NAA50: variants seen among roughly 807,000 people sequenced by gnomAD.
NAA50 encodes the protein N-alpha-acetyltransferase 50.
In NAA50, 7 loss-of-function variants were observed where a neutral mutation model predicts 20.7. The observed-to-expected ratio is 0.34, with a 90% CI of 0.19 to 0.63. The LOEUF is 0.63. NAA50 is among the 30% of genes least tolerant of loss of function. The probability of loss-of-function intolerance (pLI) is 0.75; values close to 1 mark genes in which losing one functional copy is unlikely to be tolerated. For synonymous variants in NAA50, 54 were observed against 70.6 expected (o/e 0.77, Z 1.18); for missense variants, 111 against 199.1 (o/e 0.56, Z 2.66).
chr3:113,726,439 T>C (rs1708200486), intron 1 of NAA50, among the ~76,000 whole-genome samples: 1 of 151,768 alleles, frequency 6.6e-6, no homozygotes, highest in Non-Finnish European at 1.5e-5. Context: ...AACACTTTTC[T>C]GACTAAAATC....
At chr3:113,731,935 GTC>G (rs1183774755) in intron 1 of NAA50, among the ~76,000 whole-genome samples, 1 of 152,168 alleles carries the variant, frequency 6.6e-6, no homozygotes, top group Non-Finnish European at 1.5e-5. Flanking sequence ...TTGCATAAAA[GTC>G]TGCGTGTGGA....
In NAA50 at chr3:113,721,730, CAAGTGCAAGA is replaced by C; in HGVS notation, c.*20_*29del. The C allele has an allele frequency of 1.2e-6, 2 of 1,612,348 alleles. No individual in the cohort carries two copies. The highest frequency in any genetic ancestry group is 1.7e-5 in the Admixed American group (1 of 59,752). ...GGCCTCTCTTTTATTTGGCGACAAG[CAAGTGCAAGA>C]AAGTTCATTTGTAATTTGTTCAGTT... On this transcript the variant is annotated 3_prime_UTR_variant, in exon 5 of 5. Coordinates refer to ENST00000240922, the MANE Select transcript of NAA50 (RefSeq NM_025146.4).
chr3:113,728,366 G>T (rs989383395), intron 1 of NAA50, among the ~76,000 whole-genome samples: 1 of 152,134 alleles, frequency 6.6e-6, no homozygotes, highest in African/African-American at 2.4e-5. Context: ...GAATGCAAAG[G>T]TGTTTACATC....
chr3:113,725,419 A>G (rs1708187758), intron 1 of NAA50, among the ~76,000 whole-genome samples: 1 of 152,224 alleles, frequency 6.6e-6, no homozygotes, highest in Admixed American at 6.5e-5. Flanking sequence ...TTGTAATTTT[A>G]AAAACTGTAT....
At position 113,746,036 on chromosome 3, in the gene NAA50, C is replaced by G; in HGVS notation, c.-87G>C. On this transcript the variant is annotated 5_prime_UTR_variant, in exon 1 of 5. Transcript: ENST00000240922. ...TAGGTCTCCGCACCCTTAGCTCGGGCCACTCAACCCCGCAAGCCGGCCTCC... is the reference window on the plus strand; with the variant it reads ...TAGGTCTCCGCACCCTTAGCTCGGGGCACTCAACCCCGCAAGCCGGCCTCC... 1 of 1,547,898 alleles carries G rather than the reference C, an allele frequency of 6.5e-7. No individual in the cohort carries two copies. The highest frequency in any genetic ancestry group is 8.7e-7 in the Non-Finnish European group (1 of 1,146,210).
rs905276755 is a variant in NAA50, at chr3:113,717,225, T to G, written c.*4535A>C. ...GTGGCATGCGCTTTCTAGTCGCAGCTACTTGGGAGGCTCAGGCAGAATTGC... is the reference window on the plus strand; with the variant it reads ...GTGGCATGCGCTTTCTAGTCGCAGCGACTTGGGAGGCTCAGGCAGAATTGC... On this transcript the variant is annotated 3_prime_UTR_variant, in exon 5 of 5. Coordinates refer to ENST00000240922, the MANE Select transcript of NAA50 (RefSeq NM_025146.4). 1 of 152,258 alleles carries G rather than the reference T, an allele frequency of 6.6e-6. No individual in the cohort carries two copies. Among genetic ancestry groups the G allele is most frequent in the Non-Finnish European group, 1.5e-5 (1 of 68,114 alleles). 9.4% of individuals were successfully genotyped at this position (152,258 alleles called of 1,614,324 possible). A position where few individuals can be genotyped will look rare whatever the true frequency, so the allele number is the denominator to read the frequency against.
chr3:113,731,960 T>C lies in NAA50; in HGVS notation c.9-7865A>G, dbSNP rs558605830. On this transcript the variant is annotated intron_variant, in intron 1 of 4. Transcript: ENST00000240922. The stretch of plus-strand genomic sequence containing the variant: ...GTCTGCGTGTGGACATACGCCTTAG[T>C]TTTTTTTCTGGTAGATAACTGGAAG... Among the ~76,000 whole-genome samples the C allele has an allele frequency of 1.9e-4, 29 of 152,182 alleles. No individual in the cohort carries two copies. In the South Asian group the frequency reaches 3.3e-3, roughly 17 times the overall value.
At chr3:113,728,799 C>T (rs1577069026) in intron 1 of NAA50, among the ~76,000 whole-genome samples, 1 of 152,172 alleles carries the variant, frequency 6.6e-6, no homozygotes, top group East Asian at 1.9e-4. Context: ...TCCAAGCAAT[C>T]TCCAGCAGAC....
intron 1 of NAA50, among the ~76,000 whole-genome samples, chr3:113,744,849 A>G (rs923969689): frequency 6.6e-6 from 1 of 152,232 alleles, no homozygotes; most frequent in Non-Finnish European, 1.5e-5. Context: ...CACAGAGGTA[A>G]TATTTAGGTC....
intron 1 of NAA50, among the ~76,000 whole-genome samples, chr3:113,741,574 G>A (rs1016474193): frequency 6.6e-6 from 1 of 152,196 alleles, no homozygotes; most frequent in African/African-American, 2.4e-5. Flanking sequence ...AAAAAATTAG[G>A]AGTCCCAGTA....
chr3:113,724,114 T>C lies in NAA50; in HGVS notation c.9-19A>G, dbSNP rs759072319. ...CCGGCTACTGGAACAAATCAAAATG[T>C]ACTCAATAAAACATAATTAGCCCCA... On this transcript the variant is annotated intron_variant, in intron 1 of 4. Transcript: ENST00000240922. 1 of 1,544,930 alleles carries C rather than the reference T, an allele frequency of 6.5e-7. No individual in the cohort carries two copies. The highest frequency in any genetic ancestry group is 1.3e-5 in the South Asian group (1 of 77,236).
At position 113,746,210 on chromosome 3, in the gene NAA50, G is replaced by T; in HGVS notation, c.-261C>A. 4.0e-6 allele frequency: 2 copies of T among 497,886 alleles called. No individual in the cohort carries two copies. The highest frequency in any genetic ancestry group is 3.5e-6 in the Non-Finnish European group (1 of 283,220). 30.8% of individuals were successfully genotyped at this position (497,886 alleles called of 1,614,324 possible). ...TCGGGTCTCTCGGCTCCCTCCCGCC[G>T]CTGCCGCCAGCCAGACCCGCTGCCG... On this transcript the variant is annotated 5_prime_UTR_variant, in exon 1 of 5. Transcript: ENST00000240922.
At chr3:113,742,067 T>A (rs1289158319) in intron 1 of NAA50, among the ~76,000 whole-genome samples, 1 of 152,224 alleles carries the variant, frequency 6.6e-6, no homozygotes, top group Admixed American at 6.5e-5. Context: ...TTATATGAAT[T>A]CATCTCAACA....
chr3:113,724,323 A>G (rs1234064851), intron 1 of NAA50, among the ~76,000 whole-genome samples: 3 of 152,244 alleles, frequency 2.0e-5, no homozygotes, highest in Non-Finnish European at 1.5e-5. Context: ...TATGGTACAC[A>G]ACGACTACTA....
chr3:113,725,409 T>C (rs1227054653), intron 1 of NAA50, among the ~76,000 whole-genome samples: 8 of 152,150 alleles, frequency 5.3e-5, no homozygotes, highest in East Asian at 3.9e-4. Context: ...GTAGTAGAAA[T>C]TGTAATTTTA....
At chr3:113,725,274 G>A (rs182292714) in intron 1 of NAA50, among the ~76,000 whole-genome samples, 9 of 152,198 alleles carry the variant, frequency 5.9e-5, no homozygotes, top group African/African-American at 1.7e-4. Context: ...TGCTCCATCC[G>A]TATTATTTGC....
At chr3:113,730,731 T>C (rs1708261058) in intron 1 of NAA50, among the ~76,000 whole-genome samples, 1 of 152,212 alleles carries the variant, frequency 6.6e-6, no homozygotes, top group South Asian at 2.1e-4. Flanking sequence ...TAGCATAATG[T>C]CTGAGACTCA....
chr3:113,745,290 T>A (rs1708475468), intron 1 of NAA50, among the ~76,000 whole-genome samples: 1 of 152,084 alleles, frequency 6.6e-6, no homozygotes, highest in Non-Finnish European at 1.5e-5. Context: ...GGGGCAATAG[T>A]GAACTACTGA....
At chr3:113,729,902 T>A (rs1335355396) in intron 1 of NAA50, among the ~76,000 whole-genome samples, 2 of 152,100 alleles carry the variant, frequency 1.3e-5, no homozygotes, top group African/African-American at 4.8e-5. Flanking sequence ...ATCTTTTACC[T>A]TTTTCTTTTT....
Sources: gnomAD v4.1 joint callset for allele counts (sites outside exome capture counted in the v4.1 genomes callset) on GRCh38, gnomAD v4.1.1 for gene constraint, MANE v1.5 for transcripts, NCBI Gene and HGNC (gene_info 2026-07-23, HGNC 2026-07-21) for gene names.